The following SUSD6 variants were observed in gnomAD, a reference collection of about 807,000 sequenced individuals.
SUSD6 encodes sushi domain containing 6.
A neutral mutation model predicts 28.4 loss-of-function variants in SUSD6; 16 were observed. The observed-to-expected ratio is 0.56, with a 90% CI of 0.38 to 0.86. The LOEUF is 0.86. Ranked by LOEUF, SUSD6 falls within the 40% of genes least tolerant of loss-of-function variation. SUSD6 has a pLI of 0.00. For synonymous variants in SUSD6, 147 were observed against 159.6 expected (o/e 0.92, Z 0.59); for missense variants, 341 against 384.2 (o/e 0.89, Z 0.94).
chr14:69,640,437 G>C (rs1338695292), intron 1 of SUSD6, among the ~76,000 whole-genome samples: 2 of 152,070 alleles, frequency 1.3e-5, no homozygotes, highest in Non-Finnish European at 2.9e-5. Context: ...TGGCTCAAGT[G>C]ATTTCTCCTG....
chr14:69,630,768 A>G (rs906564863), intron 1 of SUSD6, among the ~76,000 whole-genome samples: 1 of 152,176 alleles, frequency 6.6e-6, no homozygotes, highest in Non-Finnish European at 1.5e-5. Context: ...TATGCAATGT[A>G]TCCATCTTTG....
At chr14:69,704,487 C>G (rs535266163) in intron 3 of SUSD6, 117 bp from the exon 4 acceptor site, 2 of 977,806 alleles carry the variant, frequency 2.0e-6, no homozygotes, top group East Asian at 5.1e-5. Context: ...TGACCCTGAC[C>G]GTAGGATGTC....
intron 1 of SUSD6, among the ~76,000 whole-genome samples, chr14:69,620,782 GT>G (rs1385730671): frequency 6.6e-6 from 1 of 152,080 alleles, no homozygotes; most frequent in Non-Finnish European, 1.5e-5. Context: ...TAATCAACTA[GT>G]TTTTAATCTG....
In SUSD6 at chr14:69,658,629, G is replaced by C. The variant is rs1885618963; in HGVS notation, c.37G>C (p.Val13Leu). The C allele has an allele frequency of 6.2e-7, 1 of 1,614,090 alleles. No individual in the cohort carries two copies. ...HGRIAPKSTS[V>L]FAVASVGHGV... ...CAGGATAGCACCAAAGAGCACCTCA[G>C]TGTTTGCCGTGGCCTCCGTGGGACA... The change falls in exon 2 of 6, where the codon GTG becomes CTG. Residue 13 changes from valine to leucine, a missense_variant. Physicochemically the swap from Val to Leu is conservative, Grantham distance 32. Coordinates refer to ENST00000342745, the MANE Select transcript of SUSD6 (RefSeq NM_014734.4).
chr14:69,616,284 G>A (rs1476574636), intron 1 of SUSD6, among the ~76,000 whole-genome samples: 1 of 152,206 alleles, frequency 6.6e-6, no homozygotes, highest in Non-Finnish European at 1.5e-5. Flanking sequence ...CTTTGTAGAG[G>A]AGAGGGAATG....
At chr14:69,679,429 A>G (rs994212634) in intron 2 of SUSD6, among the ~76,000 whole-genome samples, 3 of 152,206 alleles carry the variant, frequency 2.0e-5, no homozygotes, top group Non-Finnish European at 4.4e-5. Context: ...CAAATATGGT[A>G]ATATTGATAG....
chr14:69,692,695 G>C (rs1594719967), intron 2 of SUSD6, among the ~76,000 whole-genome samples: 1 of 152,140 alleles, frequency 6.6e-6, no homozygotes, highest in East Asian at 1.9e-4. Flanking sequence ...ACTGTACTTG[G>C]CATTAGGAGT....
At chr14:69,682,112 A>G (rs188860280) in intron 2 of SUSD6, among the ~76,000 whole-genome samples, 1 of 152,140 alleles carries the variant, frequency 6.6e-6, no homozygotes, top group Non-Finnish European at 1.5e-5. Flanking sequence ...TGGGAAGACC[A>G]CTTGAGGCCA....
chr14:69,630,166 A>G (rs755724005), intron 1 of SUSD6, among the ~76,000 whole-genome samples: 3 of 152,174 alleles, frequency 2.0e-5, no homozygotes, highest in Non-Finnish European at 4.4e-5. Flanking sequence ...AGCAACTTTG[A>G]AGTAGATTGC....
chr14:69,708,647 C>T, intron 4 of SUSD6, 30 bp from the exon 5 acceptor site: 1 of 1,497,250 alleles, frequency 6.7e-7, no homozygotes, highest in Non-Finnish European at 9.0e-7. Flanking sequence ...TATTCTAATT[C>T]ATCCTTTGTC....
intron 2 of SUSD6, among the ~76,000 whole-genome samples, chr14:69,685,094 T>A (rs55634075): frequency 6.6e-6 from 1 of 152,194 alleles, no homozygotes; most frequent in South Asian, 2.1e-4. Context: ...CCTTCTAAGA[T>A]GGGACAGTTG....
chr14:69,613,309 A>C (rs1264924475), intron 1 of SUSD6, among the ~76,000 whole-genome samples: 2 of 152,098 alleles, frequency 1.3e-5, no homozygotes, highest in East Asian at 1.9e-4. Context: ...TAGGTATCTC[A>C]TGGTGGAGCC....
chr14:69,666,285 C>T (rs1885738267), intron 2 of SUSD6, among the ~76,000 whole-genome samples: 1 of 152,144 alleles, frequency 6.6e-6, no homozygotes, highest in Admixed American at 6.5e-5. Flanking sequence ...GGAGTGAGAT[C>T]AGCTAAGTGA....
chr14:69,668,164 C>T (rs780497623), intron 2 of SUSD6, among the ~76,000 whole-genome samples: 5 of 152,092 alleles, frequency 3.3e-5, no homozygotes, highest in South Asian at 2.1e-4. Flanking sequence ...TGGAGGAGCA[C>T]GTGAAAGTGT....
intron 2 of SUSD6, among the ~76,000 whole-genome samples, chr14:69,669,486 C>A (rs1446106833): frequency 2.0e-5 from 3 of 152,172 alleles, no homozygotes; most frequent in African/African-American, 7.2e-5. Context: ...GTAAACATAT[C>A]CTGACATTAG....
At chr14:69,634,696 A>G (rs1885239534) in intron 1 of SUSD6, among the ~76,000 whole-genome samples, 1 of 152,240 alleles carries the variant, frequency 6.6e-6, no homozygotes, top group Non-Finnish European at 1.5e-5. Flanking sequence ...ACTCTTTGTG[A>G]TTGTAGCTTG....
intron 2 of SUSD6, among the ~76,000 whole-genome samples, chr14:69,664,272 G>T (rs1219667371): frequency 6.6e-6 from 1 of 152,062 alleles, no homozygotes; most frequent in African/African-American, 2.4e-5. Context: ...GAGCCACTGC[G>T]CCTGGCCCTC....
rs1034198553 is a variant in SUSD6 at position 69,676,562 on chromosome 14, A to T, written c.121+17849A>T. ...GCCTGGCTAATGTTTTTATTTTTTA[A>T]AAAAATTGTTTTTTTAGAGATGACA... On this transcript the variant is annotated intron_variant, in intron 2 of 5. Coordinates refer to ENST00000342745, the MANE Select transcript of SUSD6 (RefSeq NM_014734.4). Among the ~76,000 whole-genome samples, 4 of 152,096 alleles carry T rather than the reference A, an allele frequency of 2.6e-5. 1 individual carries two copies. The highest frequency in any genetic ancestry group is 7.2e-5 in the African/African-American group (3 of 41,512).
At chr14:69,691,655 G>A (rs1051382303) in intron 2 of SUSD6, among the ~76,000 whole-genome samples, 4 of 152,108 alleles carry the variant, frequency 2.6e-5, no homozygotes, top group Non-Finnish European at 5.9e-5. Flanking sequence ...GTGTGTTCTG[G>A]GCAGTGGCAG....
Sources: gnomAD v4.1 joint callset for allele counts (sites outside exome capture counted in the v4.1 genomes callset) on GRCh38, gnomAD v4.1.1 for gene constraint, MANE v1.5 for transcripts, NCBI Gene and HGNC (gene_info 2026-07-23, HGNC 2026-07-21) for gene names.